Variants in RTL9 observed in about 807,000 individuals in gnomAD.
RTL9 encodes retrotransposon Gag like 9.
A neutral mutation model predicts 44.7 loss-of-function variants in RTL9; 19 were observed. The observed-to-expected ratio is 0.42, with a 90% CI of 0.30 to 0.62. The LOEUF (loss-of-function observed/expected upper bound fraction) is 0.62. Among genes scored for constraint, RTL9 ranks in the 20% least tolerant of loss-of-function variants. The pLI is 0.16. For missense variants in RTL9, 1,105 were observed against 1,080.6 expected, an observed-to-expected ratio of 1.02 and a Z score of -0.32; for synonymous variants, 407 against 398.9, an observed-to-expected ratio of 1.02 and a Z score of -0.24.
intron 1 of RTL9, among the ~76,000 whole-genome samples, chrX:110,425,858 A>G (rs762266892): frequency 3.5e-5 from 4 of 112,909 alleles, no homozygotes; most frequent in Non-Finnish European, 5.6e-5. Flanking sequence ...CGAAGGAATA[A>G]ACAGATGAAT....
chrX:110,411,974 T>A (rs1192820407), intron 1 of RTL9, among the ~76,000 whole-genome samples: 1 of 112,514 alleles, frequency 8.9e-6, no homozygotes, highest in Non-Finnish European at 1.9e-5. Flanking sequence ...AATGAGAAGA[T>A]AATGAACAAT....
chrX:110,361,591 C>T (rs929364160), intron 1 of RTL9, among the ~76,000 whole-genome samples: 9 of 111,869 alleles, frequency 8.0e-5, no homozygotes, highest in Non-Finnish European at 1.5e-4. Context: ...CAGATATTGA[C>T]ATACTCCTGT....
chrX:110,454,593 C>T lies in RTL9; in HGVS notation c.3976C>T (p.Pro1326Ser), dbSNP rs1179287558. ...CCCAGGCAACTCAAGCCAGGTTCTG[C>T]CAACAGCCTGTAAGCGGAATAATGA... The change falls in exon 1 of 2, where the codon CCA becomes TCA. Residue 1326 changes from proline (P) to serine (S), a missense_variant. Physicochemically the swap from Pro to Ser is moderately conservative, Grantham distance 74. Coordinates refer to ENST00000540313, the Ensembl canonical transcript of RTL9. 9 of 1,209,707 alleles carry T rather than the reference C, an allele frequency of 7.4e-6. No individual in the cohort carries two copies. The Admixed American group carries it at 1.7e-4, about 23-fold the overall frequency.
chrX:110,452,165 G>A lies in RTL9; in HGVS notation c.1548G>A (p.Thr516=), dbSNP rs777195000. The A allele has an allele frequency of 1.7e-5, 21 of 1,208,003 alleles. No homozygotes were observed. The East Asian group carries it at 3.6e-4, about 21-fold the overall frequency. The change falls in exon 1 of 2, where the codon ACG becomes ACA. Residue 516 remains threonine (T), a synonymous_variant. Transcript: ENST00000540313. ...GAGCAATGTCCACCCAACCAGTTAC[G>A]GCAACAGCCTCTGAAACAATGTCCA...
intron 1 of RTL9, among the ~76,000 whole-genome samples, chrX:110,395,293 G>T (rs2068521195): frequency 8.9e-6 from 1 of 112,038 alleles, no homozygotes; most frequent in South Asian, 3.8e-4. Context: ...GAGGACCATT[G>T]CATGCTTCAT....
intron 1 of RTL9, among the ~76,000 whole-genome samples, chrX:110,442,458 T>C (rs754136662): frequency 1.1e-3 from 118 of 111,721 alleles, no homozygotes; most frequent in Middle Eastern, 4.6e-3. Context: ...AGTAAATAGA[T>C]GTGAAAGTGC....
chrX:110,429,345 A>C (rs977169761), intron 1 of RTL9, among the ~76,000 whole-genome samples: 6 of 111,401 alleles, frequency 5.4e-5, no homozygotes, highest in African/African-American at 2.0e-4. Flanking sequence ...TTGCCAAAAA[A>C]CAGTAGACAC....
chrX:110,402,584 T>C (rs1411321847), intron 1 of RTL9, among the ~76,000 whole-genome samples: 1 of 112,605 alleles, frequency 8.9e-6, no homozygotes, highest in East Asian at 2.8e-4. Context: ...GCCCTGTGTG[T>C]TGCAACAGAT....
chrX:110,435,615 C>T (rs1019421281), intron 1 of RTL9, among the ~76,000 whole-genome samples: 1 of 111,720 alleles, frequency 9.0e-6, no homozygotes, highest in Non-Finnish European at 1.9e-5. Context: ...TTCTGAGTCT[C>T]CAAATGACCT....
At chrX:110,423,885 A>G (rs1160125100) in intron 1 of RTL9, among the ~76,000 whole-genome samples, 1 of 112,221 alleles carries the variant, frequency 8.9e-6, no homozygotes, top group African/African-American at 3.2e-5. Flanking sequence ...CTTATTTGGA[A>G]TTGTCTCTTC....
At chrX:110,423,961 T>C (rs1266932118) in intron 1 of RTL9, among the ~76,000 whole-genome samples, 1 of 112,738 alleles carries the variant, frequency 8.9e-6, no homozygotes, top group Non-Finnish European at 1.9e-5. Flanking sequence ...TTGCTAAAGA[T>C]GCACATTCAT....
chrX:110,399,958 G>C (rs2068552824), intron 1 of RTL9, among the ~76,000 whole-genome samples: 1 of 111,633 alleles, frequency 9.0e-6, no homozygotes, highest in African/African-American at 3.3e-5. Flanking sequence ...TAAAGAAATT[G>C]ACAGGGATCA....
At chrX:110,422,795 A>G (rs181862189) in intron 1 of RTL9, among the ~76,000 whole-genome samples, 4 of 111,668 alleles carry the variant, frequency 3.6e-5, no homozygotes, top group East Asian at 2.8e-4. Flanking sequence ...AAGAAAAGAG[A>G]TCTTCCCCAA....
intron 1 of RTL9, among the ~76,000 whole-genome samples, chrX:110,365,585 A>G (rs2068292030): frequency 8.9e-6 from 1 of 111,849 alleles, no homozygotes; most frequent in African/African-American, 3.3e-5. Flanking sequence ...TCTCTCTAAT[A>G]TCTTAAACTG....
intron 1 of RTL9, among the ~76,000 whole-genome samples, chrX:110,424,180 C>T (rs1213949693): frequency 9.0e-6 from 1 of 111,725 alleles, no homozygotes; most frequent in Non-Finnish European, 1.9e-5. Context: ...AGGATTCAAA[C>T]CCAGGTTTAT....
At chrX:110,423,093 C>T (rs2068729410) in intron 1 of RTL9, among the ~76,000 whole-genome samples, 1 of 111,672 alleles carries the variant, frequency 9.0e-6, no homozygotes, top group South Asian at 3.8e-4. Context: ...TTTGGGTGGC[C>T]GAGGCAGGCG....
At chrX:110,421,383 T>A (rs1308025385) in intron 1 of RTL9, among the ~76,000 whole-genome samples, 1 of 112,357 alleles carries the variant, frequency 8.9e-6, no homozygotes, top group Non-Finnish European at 1.9e-5. Context: ...CAAGGACAAT[T>A]TTGGCTCAAG....
intron 1 of RTL9, among the ~76,000 whole-genome samples, chrX:110,387,297 A>C (rs1293314271): frequency 8.9e-6 from 1 of 112,445 alleles, no homozygotes; most frequent in Non-Finnish European, 1.9e-5. Flanking sequence ...CAAAGTTAAC[A>C]AGCCACATCT....
At chrX:110,400,512 T>C (rs938943704) in intron 1 of RTL9, among the ~76,000 whole-genome samples, 1 of 110,742 alleles carries the variant, frequency 9.0e-6, no homozygotes, top group Admixed American at 9.7e-5. Context: ...TGACTCCTCC[T>C]ACAGTGTAAT....
Sources: gnomAD v4.1 joint callset for allele counts (sites outside exome capture counted in the v4.1 genomes callset) on GRCh38, gnomAD v4.1.1 for gene constraint, MANE v1.5 for transcripts, NCBI Gene and HGNC (gene_info 2026-07-23, HGNC 2026-07-21) for gene names.